The following RBMS3 variants were observed in gnomAD, a reference collection of about 807,000 sequenced individuals.
The protein encoded by RBMS3 is RNA-binding motif, single-stranded-interacting protein 3.
A neutral mutation model predicts 66.8 loss-of-function variants in RBMS3; 27 were observed. That is an observed-to-expected ratio of 0.40 (90% CI 0.30 to 0.56). The LOEUF is 0.56. Ranked by LOEUF, RBMS3 falls within the 20% of genes least tolerant of loss-of-function variation. The pLI is 0.40. For synonymous variants in RBMS3, 188 were observed against 183.0 expected (o/e 1.03, Z -0.22); for missense variants, 513 against 549.5 (o/e 0.93, Z 0.66).
chr3:29,864,211 C>G (rs2059288651), intron 6 of RBMS3, among the ~76,000 whole-genome samples: 1 of 152,134 alleles, frequency 6.6e-6, no homozygotes, highest in African/African-American at 2.4e-5. Flanking sequence ...TTTAAACTGC[C>G]AGCAGAACTT....
intron 1 of RBMS3, among the ~76,000 whole-genome samples, chr3:29,307,898 A>G (rs2034115660): frequency 1.3e-5 from 2 of 151,872 alleles, no homozygotes; most frequent in South Asian, 4.1e-4. Flanking sequence ...TATATATTAA[A>G]TTCATTTTGT....
intron 10 of RBMS3, among the ~76,000 whole-genome samples, chr3:29,934,769 G>T (rs1020199262): frequency 1.3e-5 from 2 of 151,932 alleles, no homozygotes; most frequent in Non-Finnish European, 2.9e-5. Context: ...CAAATATTTG[G>T]CTCAATTTCT....
intron 4 of RBMS3, among the ~76,000 whole-genome samples, chr3:29,605,855 A>T (rs1466599827): frequency 1.3e-5 from 2 of 151,854 alleles, no homozygotes; most frequent in African/African-American, 4.8e-5. Flanking sequence ...TGCACTTCCA[A>T]GAAGATCGTC....
intron 10 of RBMS3, among the ~76,000 whole-genome samples, chr3:29,934,785 C>G (rs2061222614): frequency 6.6e-6 from 1 of 151,944 alleles, no homozygotes; most frequent in Non-Finnish European, 1.5e-5. Flanking sequence ...TTTCTATTAT[C>G]TCTGAAAATT....
At chr3:29,397,914 CT>C in intron 1 of RBMS3, among the ~76,000 whole-genome samples, 1 of 152,112 alleles carries the variant, frequency 6.6e-6, no homozygotes, top group East Asian at 1.9e-4. Context: ...GGGTCTCGAT[CT>C]CCCATCAGTG....
At chr3:29,733,490 A>G (rs1185734953) in intron 4 of RBMS3, among the ~76,000 whole-genome samples, 5 of 152,002 alleles carry the variant, frequency 3.3e-5, no homozygotes, top group Non-Finnish European at 7.4e-5. Context: ...CTAAAAGTGT[A>G]TACGAGTTCC....
chr3:29,416,276 G>T (rs2040473022), intron 1 of RBMS3, among the ~76,000 whole-genome samples: 1 of 152,082 alleles, frequency 6.6e-6, no homozygotes, highest in African/African-American at 2.4e-5. Context: ...CCTAGAAGCT[G>T]ACAAAATTTA....
intron 6 of RBMS3, among the ~76,000 whole-genome samples, chr3:29,857,006 C>G (rs1418052150): frequency 6.6e-6 from 1 of 152,112 alleles, no homozygotes; most frequent in African/African-American, 2.4e-5. Context: ...AGAAAAAATA[C>G]CATCTCAGGT....
At position 29,762,974 on chromosome 3, in the gene RBMS3, C is replaced by T. The variant is rs1238828634; in HGVS notation, c.622C>T (p.Pro208Ser). Reference protein sequence around the residue: ...QHFNGKYLKTPPGIPAPSEPL... With the variant: ...QHFNGKYLKTSPGIPAPSEPL... ...TTTTAATGGAAAATATCTGAAAACA[C>T]CACCAGGCATCCCAGGTAAGAAATT... The change falls in exon 6 of 15, where the codon CCA (proline) becomes TCA (serine). Residue 208 changes from proline to serine, a missense_variant. Pro to Ser is a moderately conservative substitution (Grantham distance 74). Coordinates refer to ENST00000383767, the MANE Select transcript of RBMS3 (RefSeq NM_001003793.3). The T allele has an allele frequency of 6.2e-7, 1 of 1,605,406 alleles. No homozygotes were observed. Among genetic ancestry groups the T allele is most frequent in the Non-Finnish European group, 8.5e-7 (1 of 1,174,102 alleles).
chr3:29,598,415 C>T (rs76033735), intron 4 of RBMS3, among the ~76,000 whole-genome samples: 3,483 of 152,090 alleles, frequency 0.023, 49 homozygotes, highest in Middle Eastern at 0.034. Context: ...TAATAGGCAA[C>T]GGATTTCCAG....
chr3:29,385,687 C>T (rs906645902), intron 1 of RBMS3, among the ~76,000 whole-genome samples: 1 of 152,192 alleles, frequency 6.6e-6, no homozygotes, highest in South Asian at 2.1e-4. Context: ...ATTTTTGCAC[C>T]GTGGCCTCTC....
At chr3:29,530,439 G>A (rs2045307972) in intron 3 of RBMS3, among the ~76,000 whole-genome samples, 1 of 152,116 alleles carries the variant, frequency 6.6e-6, no homozygotes. Context: ...TTTGTAAAAT[G>A]TGCATGAAAA....
chr3:29,414,093 C>T (rs2040381425), intron 1 of RBMS3, among the ~76,000 whole-genome samples: 1 of 152,274 alleles, frequency 6.6e-6, no homozygotes, highest in African/African-American at 2.4e-5. Context: ...TAGGATGAAG[C>T]ATTATTGACA....
rs570278262 is a variant in RBMS3 at position 29,635,195 on chromosome 3, T to G, written c.399+47990T>G. 3.3e-5 allele frequency among the ~76,000 whole-genome samples: 5 copies of G among 151,980 alleles called. No individual in the cohort carries two copies. In the South Asian group the frequency reaches 1.0e-3, roughly 32 times the overall value. On this transcript the variant is annotated intron_variant, in intron 4 of 14. Coordinates refer to ENST00000383767, the MANE Select transcript of RBMS3 (RefSeq NM_001003793.3). ...CCAATACTTATATTTCCATATCAAATCTTTCTCTCATTCCAGTCTTTTAGA... is the reference window on the plus strand; with the variant it reads ...CCAATACTTATATTTCCATATCAAAGCTTTCTCTCATTCCAGTCTTTTAGA...
chr3:29,346,096 GA>G (rs1242199996), intron 1 of RBMS3, among the ~76,000 whole-genome samples: 1 of 152,164 alleles, frequency 6.6e-6, no homozygotes, highest in Non-Finnish European at 1.5e-5. Context: ...CCACGTTCAA[GA>G]AACAAAGGGA....
chr3:29,906,220 G>A (rs888802451), intron 10 of RBMS3, among the ~76,000 whole-genome samples: 5 of 151,864 alleles, frequency 3.3e-5, no homozygotes, highest in Non-Finnish European at 5.9e-5. Flanking sequence ...TTTTTGCTGT[G>A]GCTATAACAA....
chr3:29,695,427 G>A (rs770630968), intron 4 of RBMS3, among the ~76,000 whole-genome samples: 2 of 152,184 alleles, frequency 1.3e-5, no homozygotes, highest in Non-Finnish European at 2.9e-5. Context: ...AGAACTCTGT[G>A]TAGAGTATGT....
At chr3:29,981,372 C>G (rs545086303) in intron 12 of RBMS3, among the ~76,000 whole-genome samples, 1 of 152,290 alleles carries the variant, frequency 6.6e-6, no homozygotes, top group African/African-American at 2.4e-5. Flanking sequence ...ATGTCATCTG[C>G]AAACAGAGAC....
chr3:29,382,832 G>A (rs374859306), intron 1 of RBMS3, among the ~76,000 whole-genome samples: 1 of 97,470 alleles, frequency 1.0e-5, no homozygotes. Context: ...TCCTGGATTT[G>A]TTATTTTTTC....
Sources: allele counts gnomAD v4.1 joint callset (sites outside exome capture counted in the v4.1 genomes callset), GRCh38; gene constraint gnomAD v4.1.1; transcripts MANE v1.5; gene names NCBI Gene and HGNC (gene_info 2026-07-23, HGNC 2026-07-21).